Variants in PPFIBP2 observed in about 807,000 individuals in gnomAD.
PPFIBP2 encodes the protein liprin-beta-2.
A neutral mutation model predicts 118.3 loss-of-function variants in PPFIBP2; 118 were observed. The observed-to-expected ratio is 1.00, with a 90% CI of 0.86 to 1.16. PPFIBP2 has a LOEUF of 1.16. PPFIBP2 is among the 50% of genes most tolerant of loss of function. The probability of loss-of-function intolerance (pLI) is 0.00; values close to 1 mark genes in which losing one functional copy is unlikely to be tolerated. For missense variants in PPFIBP2, 1,195 were observed against 1,073.1 expected, an observed-to-expected ratio of 1.11 and a Z score of -1.59; for synonymous variants, 414 against 397.4, an observed-to-expected ratio of 1.04 and a Z score of -0.50.
chr11:7,575,588 C>T lies in PPFIBP2; in HGVS notation c.279+9821C>T, dbSNP rs528752085. ...GCTCCCAAATCAGCTTGTCTACCTC[C>T]TCTTCCTTGGAGTCCCAGATATACC... On this transcript the variant is annotated intron_variant, in intron 3 of 23. Coordinates refer to ENST00000299492, the MANE Select transcript of PPFIBP2 (RefSeq NM_003621.5). Among the ~76,000 whole-genome samples, 56 of 152,366 alleles carry T rather than the reference C, an allele frequency of 3.7e-4. No individual in the cohort carries two copies. The Middle Eastern group carries it at 0.01, about 28-fold the overall frequency.
chr11:7,606,886 A>ATTTTTTTTTTTTTTTTTTTTTT lies in PPFIBP2; in HGVS notation c.487-3384_487-3363dup, dbSNP rs529585905. ...CTGATCAGAAGACAAAACTGCATGAATTTTTTTTTTTTTTTTTTTTTTTTT... is the reference window on the plus strand; with the variant it reads ...CTGATCAGAAGACAAAACTGCATGAATTTTTTTTTTTTTTTTTTTTTTTTTTTTTTTTTTTTTTTTTTTTTTT... On this transcript the variant is annotated intron_variant, in intron 5 of 23. Coordinates refer to ENST00000299492, the MANE Select transcript of PPFIBP2 (RefSeq NM_003621.5). Among the ~76,000 whole-genome samples the ATTTTTTTTTTTTTTTTTTTTTT allele has an allele frequency of 1.6e-4, 8 of 51,440 alleles. 1 individual carries two copies. Among genetic ancestry groups the ATTTTTTTTTTTTTTTTTTTTTT allele is most frequent in the African/African-American group, 2.3e-4 (3 of 13,142 alleles). 33.7% of individuals were successfully genotyped at this position (51,440 alleles called of 152,430 possible).
At chr11:7,662,725 T>G in the PPFIBP2 span, among the ~76,000 whole-genome samples, 1 of 150,886 alleles carries the variant, frequency 6.6e-6, no homozygotes, top group East Asian at 1.9e-4. Flanking sequence ...TTCTCCTGGA[T>G]AATATCCTGC....
the PPFIBP2 span, among the ~76,000 whole-genome samples, chr11:7,663,852 G>A: frequency 4.6e-5 from 7 of 152,326 alleles, no homozygotes; most frequent in East Asian, 1.4e-3. Context: ...ATCTCATGGT[G>A]CGCCGTTTTT....
intron 3 of PPFIBP2, among the ~76,000 whole-genome samples, chr11:7,568,606 A>G (rs907304320): frequency 2.0e-5 from 3 of 152,182 alleles, no homozygotes; most frequent in Non-Finnish European, 4.4e-5. Flanking sequence ...CACCTGCCAT[A>G]GAGGGAGGTG....
the PPFIBP2 span, chr11:7,665,065 C>A: frequency 4.7e-6 from 1 of 212,768 alleles, no homozygotes; most frequent in Non-Finnish European, 9.4e-6. Flanking sequence ...TCCTGACTGC[C>A]TAGCACGTCC....
chr11:7,565,598 G>T lies in PPFIBP2; in HGVS notation c.110G>T (p.Gly37Val), dbSNP rs747868158. The change falls in exon 3 of 24, where the codon GGA becomes GTA. Residue 37 changes from glycine (G) to valine (V), a missense_variant. By Grantham distance (109) the Gly-to-Val change is moderately radical (BLOSUM62 -3). Coordinates refer to ENST00000299492, the MANE Select transcript of PPFIBP2 (RefSeq NM_003621.5). ...ADLSDGTCEPGLASPASYMNP... is the reference protein window; with the variant it reads ...ADLSDGTCEPVLASPASYMNP... The stretch of plus-strand genomic sequence containing the variant: ...CTTAGTGATGGTACTTGTGAGCCTG[G>T]ACTGGCTTCCCCGGCCTCCTACATG... The T allele has an allele frequency of 6.2e-7, 1 of 1,614,174 alleles. No individual in the cohort carries two copies. The highest frequency in any genetic ancestry group is 8.5e-7 in the Non-Finnish European group (1 of 1,180,028).
downstream of PPFIBP2, chr11:7,656,808 T>C: frequency 2.3e-6 from 3 of 1,289,764 alleles, no homozygotes; most frequent in Non-Finnish European, 3.0e-6. Context: ...ACTTTCTTCG[T>C]GGCTGAGAGC....
chr11:7,662,512 G>C, the PPFIBP2 span, among the ~76,000 whole-genome samples: 20 of 151,798 alleles, frequency 1.3e-4, no homozygotes, highest in East Asian at 3.9e-4. Flanking sequence ...TCTGCTGAGA[G>C]ATCCGCTGTT....
chr11:7,609,808 T>G (rs1847846225), intron 5 of PPFIBP2, among the ~76,000 whole-genome samples: 1 of 152,222 alleles, frequency 6.6e-6, no homozygotes, highest in Non-Finnish European at 1.5e-5. Context: ...GTGTTCTAGC[T>G]CCTGTCTAGG....
At chr11:7,550,429 G>T (rs1365542194) in intron 2 of PPFIBP2, among the ~76,000 whole-genome samples, 2 of 152,184 alleles carry the variant, frequency 1.3e-5, no homozygotes, top group Non-Finnish European at 2.9e-5. Flanking sequence ...CTTCCCATTG[G>T]AGGGTTTCAT....
intron 1 of PPFIBP2, among the ~76,000 whole-genome samples, chr11:7,525,563 T>C (rs549624198): frequency 6.6e-6 from 1 of 152,078 alleles, no homozygotes; most frequent in African/African-American, 2.4e-5. Flanking sequence ...CAGAAGTCCA[T>C]GACAAGGTAG....
rs529585905 is a variant in PPFIBP2 at position 7,606,886 on chromosome 11, A to ATTTTTTTTTTTTTTTTTT, written c.487-3380_487-3363dup. On this transcript the variant is annotated intron_variant, in intron 5 of 23. Transcript: ENST00000299492. The stretch of plus-strand genomic sequence containing the variant: ...CTGATCAGAAGACAAAACTGCATGA[A>ATTTTTTTTTTTTTTTTTT]TTTTTTTTTTTTTTTTTTTTTTTTT... 4.5e-4 allele frequency among the ~76,000 whole-genome samples: 23 copies of ATTTTTTTTTTTTTTTTTT among 51,438 alleles called. 7 individuals are homozygous for ATTTTTTTTTTTTTTTTTT. The highest frequency in any genetic ancestry group is 7.4e-4 in the Non-Finnish European group (20 of 26,918). The allele number at this position is 51,438 out of a possible 152,430, so 33.7% of individuals were successfully genotyped here. A position where few individuals can be genotyped will look rare whatever the true frequency, so the allele number is the denominator to read the frequency against.
chr11:7,624,489 G>T (rs4758006), intron 7 of PPFIBP2, among the ~76,000 whole-genome samples: 30,732 of 152,102 alleles, frequency 0.2, 3,751 homozygotes, highest in East Asian at 0.58. Flanking sequence ...ATTACTTGGG[G>T]TTGGTCAGAT....
At chr11:7,589,164 C>G (rs1429918021) in intron 3 of PPFIBP2, among the ~76,000 whole-genome samples, 1 of 152,194 alleles carries the variant, frequency 6.6e-6, no homozygotes, top group Non-Finnish European at 1.5e-5. Flanking sequence ...AGCCTAGTGG[C>G]TAATGTCATT....
chr11:7,520,292 T>G (rs1849628210), intron 1 of PPFIBP2, among the ~76,000 whole-genome samples: 1 of 152,124 alleles, frequency 6.6e-6, no homozygotes, highest in South Asian at 2.1e-4. Flanking sequence ...GCCTCCCTTT[T>G]GGTTTTCAGG....
chr11:7,573,021 C>T (rs1855826621), intron 3 of PPFIBP2, among the ~76,000 whole-genome samples: 1 of 152,194 alleles, frequency 6.6e-6, no homozygotes, highest in Non-Finnish European at 1.5e-5. Flanking sequence ...CTCAGGTGAT[C>T]TGCCCACCTC....
chr11:7,584,099 T>A (rs891754560), intron 3 of PPFIBP2, among the ~76,000 whole-genome samples: 2 of 152,246 alleles, frequency 1.3e-5, no homozygotes, highest in Admixed American at 1.3e-4. Context: ...TGATTTCTTT[T>A]TTCCTTCTGT....
chr11:7,653,877 G>C (rs749474460), downstream of PPFIBP2: 16 of 1,013,828 alleles, frequency 1.6e-5, no homozygotes, highest in Admixed American at 3.9e-5. Flanking sequence ...CCTCAGCCAG[G>C]TGCATGCTCA....
chr11:7,644,968 A>C (rs1037222235), intron 17 of PPFIBP2, among the ~76,000 whole-genome samples: 1 of 126,832 alleles, frequency 7.9e-6, no homozygotes, highest in Non-Finnish European at 1.6e-5. Flanking sequence ...CGGAGCTTGC[A>C]GTGAGCCGAG....
Sources: allele counts gnomAD v4.1 joint callset (sites outside exome capture counted in the v4.1 genomes callset), GRCh38; gene constraint gnomAD v4.1.1; transcripts MANE v1.5; gene names NCBI Gene and HGNC (gene_info 2026-07-23, HGNC 2026-07-21).